The following DCAF6 variants were observed in gnomAD, a reference collection of about 807,000 sequenced individuals.
DCAF6 encodes DDB1- and CUL4-associated factor 6.
In DCAF6, 54 loss-of-function variants were observed where a neutral mutation model predicts 125.1. That is an observed-to-expected ratio of 0.43 (90% CI 0.35 to 0.54). DCAF6 has a LOEUF of 0.54. Ranked by LOEUF, DCAF6 falls within the 20% of genes least tolerant of loss-of-function variation. DCAF6 has a pLI of 0.01. For missense variants in DCAF6, 934 were observed against 1,161.7 expected (o/e 0.80, Z 2.85); for synonymous variants, 371 against 390.4 (o/e 0.95, Z 0.58).
rs778969859 is a variant in DCAF6 at position 168,045,242 on chromosome 1, A to C, written c.2258+15A>C. 29 of 1,573,648 alleles carry C rather than the reference A, an allele frequency of 1.8e-5. No individual in the cohort carries two copies. The highest frequency in any genetic ancestry group is 2.2e-5 in the Non-Finnish European group (26 of 1,162,252). ...CCTGGTGATAGGTTGGTAAATTTTT[A>C]ATTAACATGAACTGTAAAAAATGTA... On this transcript the variant is annotated intron_variant, in intron 16 of 21. Transcript: ENST00000367840.
At chr1:168,019,129 A>G (rs1024623612) in intron 11 of DCAF6, among the ~76,000 whole-genome samples, 1 of 151,666 alleles carries the variant, frequency 6.6e-6, no homozygotes, top group African/African-American at 2.4e-5. Context: ...GCTCACTGCA[A>G]CCTCCACCTC....
chr1:167,979,218 C>T (rs113160934), intron 4 of DCAF6, among the ~76,000 whole-genome samples: 3,434 of 151,946 alleles, frequency 0.023, 95 homozygotes, highest in African/African-American at 0.061. Flanking sequence ...AAAATTAAAT[C>T]AAAATCCAAA....
chr1:167,875,127 C>T, the DCAF6 span: 3 of 1,613,596 alleles, frequency 1.9e-6, no homozygotes, highest in Non-Finnish European at 8.5e-7. Flanking sequence ...GGCCTACTAC[C>T]TACCCAGCAA....
rs1164848591 is a variant in DCAF6, at chr1:167,993,516, G to A, written c.903+76G>A. 30 of 1,190,808 alleles carry A rather than the reference G, an allele frequency of 2.5e-5. No homozygotes were observed. In the East Asian group the frequency reaches 5.0e-4, roughly 20 times the overall value. The allele number at this position is 1,190,808 out of a possible 1,614,324, so 73.8% of individuals were successfully genotyped here. A position where few individuals can be genotyped will look rare whatever the true frequency, so the allele number is the denominator to read the frequency against. ...TGTAATCCCAGCGCTTTGGGAGGCC[G>A]AGGTGGGTGGATCACCTGCGGTTGG... On this transcript the variant is annotated intron_variant, in intron 7 of 21. Transcript: ENST00000367840.
chr1:168,064,878 C>A (rs144631081), intron 18 of DCAF6, among the ~76,000 whole-genome samples: 1 of 152,062 alleles, frequency 6.6e-6, no homozygotes, highest in Non-Finnish European at 1.5e-5. Flanking sequence ...TATAACTATT[C>A]CAGTATATCA....
chr1:168,038,404 G>C lies in DCAF6; in HGVS notation c.1643G>C (p.Gly548Ala). The part of the protein sequence containing the change: ...NNNEKLSPKP[G>A]TGEPVLSLHY... ...AATGAAAAGCTGAGCCCCAAACCAG[G>C]GACAGGTGAACCAGTTTTAAGTTTG... Residue 548 changes from glycine to alanine, a missense_variant, in exon 13 of 22, where the codon GGG becomes GCG. Gly to Ala is a moderately conservative substitution (Grantham distance 60). Around this residue, in one of 5 missense-constraint regions of DCAF6, gnomAD observed 559 missense variants for 635.5 expected, o/e 0.88. Coordinates refer to ENST00000367840, the MANE Select transcript of DCAF6 (RefSeq NM_001198956.2). 5 of 1,611,626 alleles carry C rather than the reference G, an allele frequency of 3.1e-6. No individual in the cohort carries two copies. Among genetic ancestry groups the C allele is most frequent in the Non-Finnish European group, 4.2e-6 (5 of 1,178,850 alleles).
intron 1 of DCAF6, among the ~76,000 whole-genome samples, chr1:167,944,324 A>C (rs969110405): frequency 4.6e-5 from 7 of 152,188 alleles, no homozygotes; most frequent in African/African-American, 1.7e-4. Flanking sequence ...TTCTTTTTGT[A>C]AAAATCTAGT....
At chr1:167,913,122 A>G in the DCAF6 span, among the ~76,000 whole-genome samples, 1 of 152,208 alleles carries the variant, frequency 6.6e-6, no homozygotes, top group Non-Finnish European at 1.5e-5. Flanking sequence ...AGAATACAGC[A>G]TGAACAGCAT....
the DCAF6 span, among the ~76,000 whole-genome samples, chr1:167,918,721 G>A: frequency 6.6e-6 from 1 of 151,424 alleles, no homozygotes. Flanking sequence ...AGCCCCCCGA[G>A]TAGCTGGGAC....
At chr1:168,037,892 A>G (rs1263950117) in intron 12 of DCAF6, among the ~76,000 whole-genome samples, 1 of 152,202 alleles carries the variant, frequency 6.6e-6, no homozygotes, top group African/African-American at 2.4e-5. Context: ...GTTTGAAAGA[A>G]CAGAAGGAAT....
the DCAF6 span, among the ~76,000 whole-genome samples, chr1:167,868,060 TACCTTAGTA>T: frequency 6.6e-6 from 1 of 152,110 alleles, no homozygotes; most frequent in Non-Finnish European, 1.5e-5. Context: ...CTAGAGTAAA[TACCTTAGTA>T]AAAGAGGAGG....
At chr1:168,050,262 T>A (rs1689747182) in intron 16 of DCAF6, among the ~76,000 whole-genome samples, 1 of 152,218 alleles carries the variant, frequency 6.6e-6, no homozygotes, top group African/African-American at 2.4e-5. Context: ...CTCTGGACCA[T>A]GGAGCATAGC....
At chr1:168,039,932 A>G (rs973878712) in intron 13 of DCAF6, among the ~76,000 whole-genome samples, 4 of 151,906 alleles carry the variant, frequency 2.6e-5, no homozygotes, top group African/African-American at 9.7e-5. Context: ...GGACTATTCT[A>G]GACATTGGAA....
At chr1:167,939,415 TTTATCA>T (rs943286483) in intron 1 of DCAF6, among the ~76,000 whole-genome samples, 2 of 152,262 alleles carry the variant, frequency 1.3e-5, no homozygotes, top group South Asian at 4.1e-4. Flanking sequence ...ATAAAATGAC[TTTATCA>T]TTATTATTAA....
At chr1:167,917,922 T>A in the DCAF6 span, 1 of 156,490 alleles carries the variant, frequency 6.4e-6, no homozygotes, top group East Asian at 1.8e-4. Flanking sequence ...TTTCTCAGTC[T>A]CTTCAGCAAA....
the DCAF6 span, chr1:167,918,467 G>T: frequency 1.5e-6 from 1 of 688,452 alleles, no homozygotes. Context: ...TGGTCAAGTA[G>T]CTATACAGTT....
chr1:167,888,720 C>CA, the DCAF6 span, among the ~76,000 whole-genome samples: 17 of 151,638 alleles, frequency 1.1e-4, no homozygotes, highest in Non-Finnish European at 1.9e-4. Flanking sequence ...ATTAAAAACA[C>CA]AAAAAATTAG....
chr1:167,949,826 C>T (rs1673645973), intron 1 of DCAF6, among the ~76,000 whole-genome samples: 1 of 152,148 alleles, frequency 6.6e-6, no homozygotes, highest in Non-Finnish European at 1.5e-5. Context: ...TATTAAGGTA[C>T]TGTTCTTATT....
intron 17 of DCAF6, among the ~76,000 whole-genome samples, chr1:168,063,367 G>A (rs1047044060): frequency 1.3e-5 from 2 of 152,000 alleles, no homozygotes; most frequent in Admixed American, 6.6e-5. Flanking sequence ...CCAGTTTGCC[G>A]CATGCTATTG....
Sources: allele counts gnomAD v4.1 joint callset (sites outside exome capture counted in the v4.1 genomes callset), GRCh38; gene constraint gnomAD v4.1.1; regional missense constraint gnomAD v4.1.1; transcripts MANE v1.5; gene names NCBI Gene and HGNC (gene_info 2026-07-23, HGNC 2026-07-21).